Variants in PGS1 observed in about 807,000 individuals in gnomAD.
PGS1 encodes CDP-diacylglycerol--glycerol-3-phosphate 3-phosphatidyltransferase, mitochondrial.
A neutral mutation model predicts 58.3 loss-of-function variants in PGS1; 44 were observed. The observed-to-expected ratio is 0.75, with a 90% confidence interval of 0.59 to 0.97. The LOEUF (loss-of-function observed/expected upper bound fraction) is 0.97, where lower values mean the gene tolerates loss of function less well. Among genes scored for constraint, PGS1 ranks in the 50% least tolerant of loss-of-function variants. The pLI, the probability that PGS1 is intolerant of heterozygous loss-of-function variation, is 0.00. For missense variants in PGS1, 684 were observed against 731.1 expected (o/e 0.94, Z 0.74); for synonymous variants, 330 against 311.0 (o/e 1.06, Z -0.64).
At chr17:78,410,066 G>A (rs913638723) in intron 7 of PGS1, among the ~76,000 whole-genome samples, 1 of 152,054 alleles carries the variant, frequency 6.6e-6, no homozygotes, top group African/African-American at 2.4e-5. Context: ...AGCTGAGCTC[G>A]TGCCACTGTA....
chr17:78,422,499 G>T (rs930237478), intron 9 of PGS1, among the ~76,000 whole-genome samples: 2 of 152,088 alleles, frequency 1.3e-5, no homozygotes, highest in Non-Finnish European at 2.9e-5. Flanking sequence ...GGGTGTGTTT[G>T]CCTTTTTTCC....
intron 8 of PGS1, among the ~76,000 whole-genome samples, chr17:78,418,035 T>C (rs1598391454): frequency 6.6e-6 from 1 of 151,528 alleles, no homozygotes; most frequent in East Asian, 1.9e-4. Context: ...GTTCAAGCGA[T>C]TCTCCTGCCT....
In PGS1 at chr17:78,396,305, CAG is replaced by C. The variant is rs756154888; in HGVS notation, c.334-2_334-1del. 1.6e-5 allele frequency: 26 copies of C among 1,611,056 alleles called. No individual in the cohort carries two copies. The highest frequency in any genetic ancestry group is 3.3e-5 in the Admixed American group (2 of 59,994). On this transcript the variant is annotated splice_acceptor_variant, in intron 2 of 9. Transcript: ENST00000262764. LOFTEE classifies it high-confidence loss of function. The stretch of plus-strand genomic sequence containing the variant: ...TGAATTTTGAATTTTTCTCCTCTCT[CAG>C]GGGCAGATAAGAGTAGCCAAGAGGC...
intron 2 of PGS1, among the ~76,000 whole-genome samples, chr17:78,394,364 G>C (rs549130422): frequency 6.6e-6 from 1 of 151,592 alleles, no homozygotes; most frequent in East Asian, 1.9e-4. Context: ...GTTGATCCAC[G>C]CTTAGCTTGA....
intron 2 of PGS1, among the ~76,000 whole-genome samples, chr17:78,394,396 C>G (rs893853889): frequency 6.6e-6 from 1 of 151,934 alleles, no homozygotes; most frequent in African/African-American, 2.4e-5. Context: ...AGAGTGCATT[C>G]TTTGTGTGCA....
intron 9 of PGS1, chr17:78,423,770 G>T: frequency 2.6e-6 from 3 of 1,170,868 alleles, no homozygotes; most frequent in Non-Finnish European, 3.6e-6. Context: ...CGATGTGCTT[G>T]GTTACAAAGC....
chr17:78,390,410 C>T (rs912629251), intron 1 of PGS1, among the ~76,000 whole-genome samples: 2 of 152,204 alleles, frequency 1.3e-5, no homozygotes. Context: ...GCAGCACCTT[C>T]TGCTGTTGAC....
At chr17:78,381,520 C>T (rs756834896) in intron 1 of PGS1, among the ~76,000 whole-genome samples, 12 of 152,170 alleles carry the variant, frequency 7.9e-5, no homozygotes, top group Non-Finnish European at 1.8e-4. Flanking sequence ...GTTGTGGCTG[C>T]TTACCCTTTA....
chr17:78,397,986 T>C (rs1007010446), intron 3 of PGS1: 2 of 561,000 alleles, frequency 3.6e-6, no homozygotes, highest in African/African-American at 3.7e-5. Flanking sequence ...TGGCACGGGC[T>C]GGCTGTCAGG....
At position 78,424,348 on chromosome 17, in the gene PGS1, C is replaced by T. The variant is rs567276391; in HGVS notation, c.*298C>T. 6.3e-5 allele frequency: 39 copies of T among 621,658 alleles called. No homozygotes were observed. The highest frequency in any genetic ancestry group is 7.3e-5 in the South Asian group (3 of 40,852). The allele number at this position is 621,658 out of a possible 1,614,324, so 38.5% of individuals were successfully genotyped here. A position where few individuals can be genotyped will look rare whatever the true frequency, so the allele number is the denominator to read the frequency against. Reference sequence around the variant, plus strand: ...CCTGCATGTTGTAACTACCCCGTCCCGCTGGGCTCAAGGAACAGCTCAGCT... The same window carrying T: ...CCTGCATGTTGTAACTACCCCGTCCTGCTGGGCTCAAGGAACAGCTCAGCT... On this transcript the variant is annotated 3_prime_UTR_variant, in exon 10 of 10. Transcript: ENST00000262764.
At chr17:78,382,712 G>A (rs1228947116) in intron 1 of PGS1, 4 of 137,906 alleles carry the variant, frequency 2.9e-5, no homozygotes, top group South Asian at 2.3e-4. Flanking sequence ...GCACGATCTC[G>A]GCTCACTGCA....
At chr17:78,418,335 C>T (rs1321901122) in intron 8 of PGS1, among the ~76,000 whole-genome samples, 1 of 152,092 alleles carries the variant, frequency 6.6e-6, no homozygotes, top group Non-Finnish European at 1.5e-5. Flanking sequence ...GTAGGGAAAA[C>T]CACTGAAGCC....
chr17:78,407,980 A>T (rs528612688), intron 7 of PGS1, among the ~76,000 whole-genome samples: 11 of 152,328 alleles, frequency 7.2e-5, no homozygotes, highest in Non-Finnish European at 1.2e-4. Context: ...TATTGCCAGG[A>T]CTGTCTGGCA....
chr17:78,390,062 T>TCCCCCCCCCCCGCC (rs1555628316), intron 1 of PGS1, among the ~76,000 whole-genome samples: 5 of 128,690 alleles, frequency 3.9e-5, no homozygotes, highest in Non-Finnish European at 6.6e-5. Flanking sequence ...TGTTGCCTGT[T>TCCCCCCCCCCCGCC]CCCCCGCCCC....
chr17:78,399,109 G>A (rs1179285220), intron 4 of PGS1, among the ~76,000 whole-genome samples: 1 of 152,244 alleles, frequency 6.6e-6, no homozygotes, highest in Non-Finnish European at 1.5e-5. Flanking sequence ...GGGTGAATGG[G>A]TGCTGTGTGG....
rs575362413 is a variant in PGS1 at position 78,419,862 on chromosome 17, A to G, written c.*10+187A>G. 26 of 1,354,918 alleles carry G rather than the reference A, an allele frequency of 1.9e-5. No homozygotes were observed. In the South Asian group the frequency reaches 3.2e-4, roughly 17 times the overall value. The allele number at this position is 1,354,918 out of a possible 1,614,324, so 83.9% of individuals were successfully genotyped here. On this transcript the variant is annotated intron_variant, in intron 9 of 9. Coordinates refer to ENST00000262764, the MANE Select transcript of PGS1 (RefSeq NM_024419.5). Reference sequence around the variant, plus strand: ...TTAGAAGCTGGATGCTAAATTAGGCAGTCTGTTCACTTTCCATCTGGTACC... The same window carrying G: ...TTAGAAGCTGGATGCTAAATTAGGCGGTCTGTTCACTTTCCATCTGGTACC...
At chr17:78,386,561 A>G (rs2082398783) in intron 1 of PGS1, among the ~76,000 whole-genome samples, 2 of 152,204 alleles carry the variant, frequency 1.3e-5, no homozygotes, top group African/African-American at 4.8e-5. Context: ...GTACTGGTTT[A>G]GTTCTCTAAA....
chr17:78,401,274 G>C (rs1351769043), intron 6 of PGS1, among the ~76,000 whole-genome samples: 1 of 152,170 alleles, frequency 6.6e-6, no homozygotes, highest in African/African-American at 2.4e-5. Context: ...GTGCCTGGGC[G>C]AGTGACCCAG....
At chr17:78,407,002 G>A (rs1434292000) in intron 7 of PGS1, among the ~76,000 whole-genome samples, 1 of 152,220 alleles carries the variant, frequency 6.6e-6, no homozygotes, top group East Asian at 1.9e-4. Flanking sequence ...CTTTTCTGGG[G>A]CGTCTTGCCT....
Sources: allele counts gnomAD v4.1 joint callset (sites outside exome capture counted in the v4.1 genomes callset), GRCh38; gene constraint gnomAD v4.1.1; transcripts MANE v1.5; gene names NCBI Gene and HGNC (gene_info 2026-07-23, HGNC 2026-07-21).